HTR1F: variants seen among roughly 807,000 people sequenced by gnomAD.
HTR1F encodes the protein 5-hydroxytryptamine (serotonin) receptor 1F, G protein-coupled.
Under a neutral mutation model 24.0 loss-of-function variants are expected in HTR1F, and 17 were observed. The observed-to-expected ratio is 0.71, with a 90% CI of 0.48 to 1.06. The LOEUF is 1.06. HTR1F is among the 50% of genes least tolerant of loss of function. HTR1F has a pLI of 0.00. For synonymous variants in HTR1F, 186 were observed against 156.8 expected (o/e 1.19, Z -1.39); for missense variants, 391 against 427.8 (o/e 0.91, Z 0.76).
intron 2 of HTR1F, among the ~76,000 whole-genome samples, chr3:87,963,084 T>G (rs1194089352): frequency 6.6e-6 from 1 of 152,088 alleles, no homozygotes; most frequent in East Asian, 1.9e-4. Flanking sequence ...TTTACAAAAT[T>G]TGTTAATACA....
intron 2 of HTR1F, among the ~76,000 whole-genome samples, chr3:87,866,999 T>C (rs1178328425): frequency 6.6e-6 from 1 of 151,930 alleles, no homozygotes; most frequent in African/African-American, 2.4e-5. Context: ...ATTAAGTTTA[T>C]AAACAAAATA....
At chr3:87,818,485 A>G (rs1487559616) in intron 1 of HTR1F, among the ~76,000 whole-genome samples, 1 of 152,164 alleles carries the variant, frequency 6.6e-6, no homozygotes, top group Non-Finnish European at 1.5e-5. Flanking sequence ...AAATCTGGGG[A>G]GCAGTAGAAA....
chr3:87,935,333 T>C (rs1277205393), intron 2 of HTR1F, among the ~76,000 whole-genome samples: 1 of 152,344 alleles, frequency 6.6e-6, no homozygotes. Context: ...CTATTGTTGG[T>C]GACTCTGCAT....
At chr3:87,928,360 A>G (rs562258643) in intron 2 of HTR1F, among the ~76,000 whole-genome samples, 1 of 152,158 alleles carries the variant, frequency 6.6e-6, no homozygotes, top group Admixed American at 6.6e-5. Flanking sequence ...TTTACTTTCA[A>G]CTGAAAAATA....
At chr3:87,933,801 T>C (rs1038672888) in intron 2 of HTR1F, among the ~76,000 whole-genome samples, 7 of 152,246 alleles carry the variant, frequency 4.6e-5, no homozygotes, top group African/African-American at 1.7e-4. Context: ...ATACATTCAA[T>C]GCCATAGTCT....
chr3:87,957,141 C>G (rs932845942), intron 2 of HTR1F, among the ~76,000 whole-genome samples: 1 of 151,250 alleles, frequency 6.6e-6, no homozygotes, highest in African/African-American at 2.4e-5. Flanking sequence ...TCCTACTTTT[C>G]TAAGAGTTTT....
At chr3:87,973,005 CA>C (rs34843722) in intron 2 of HTR1F, among the ~76,000 whole-genome samples, 211 of 141,114 alleles carry the variant, frequency 1.5e-3, no homozygotes, top group Middle Eastern at 0.011. Flanking sequence ...TACTAAAATA[CA>C]AAAAAAAAAA....
At chr3:87,797,703 G>A (rs1703927768) in intron 1 of HTR1F, among the ~76,000 whole-genome samples, 2 of 152,070 alleles carry the variant, frequency 1.3e-5, no homozygotes, top group African/African-American at 4.8e-5. Context: ...TAAAGAATGG[G>A]TGATGAGGAA....
chr3:87,835,431 G>C (rs1314158762), intron 2 of HTR1F, among the ~76,000 whole-genome samples: 1 of 152,178 alleles, frequency 6.6e-6, no homozygotes, highest in African/African-American at 2.4e-5. Context: ...GGTCAAAATG[G>C]TTATACTTCG....
intron 2 of HTR1F, among the ~76,000 whole-genome samples, chr3:87,843,535 T>C (rs759461764): frequency 1.3e-5 from 2 of 151,088 alleles, no homozygotes; most frequent in Non-Finnish European, 2.9e-5. Context: ...AATTTATTTA[T>C]TTTATTATTA....
chr3:87,909,620 T>C (rs1332049621), intron 2 of HTR1F, among the ~76,000 whole-genome samples: 1 of 152,006 alleles, frequency 6.6e-6, no homozygotes, highest in African/African-American at 2.4e-5. Context: ...TTCAGCTGCA[T>C]AAAACAGAAA....
intron 2 of HTR1F, among the ~76,000 whole-genome samples, chr3:87,844,261 C>T (rs1332371811): frequency 6.6e-6 from 1 of 151,522 alleles, no homozygotes; most frequent in Non-Finnish European, 1.5e-5. Context: ...TTTTGATTTG[C>T]GTTTCTCTGA....
At chr3:87,915,360 G>C (rs1703870074) in intron 2 of HTR1F, among the ~76,000 whole-genome samples, 1 of 152,024 alleles carries the variant, frequency 6.6e-6, no homozygotes, top group South Asian at 2.1e-4. Context: ...AGAAACCCCT[G>C]AATTACCTGA....
chr3:87,963,404 T>A (rs778034751), intron 2 of HTR1F, among the ~76,000 whole-genome samples: 7 of 152,148 alleles, frequency 4.6e-5, no homozygotes, highest in African/African-American at 1.7e-4. Context: ...TGCTGAGTTA[T>A]CCTGATGTGC....
chr3:87,927,205 A>C (rs1335517339), intron 2 of HTR1F, among the ~76,000 whole-genome samples: 2 of 152,170 alleles, frequency 1.3e-5, no homozygotes, highest in Non-Finnish European at 1.5e-5. Flanking sequence ...ATGTAGTTAC[A>C]ATAAGTGCCT....
At chr3:87,922,328 A>C (rs1161336276) in intron 2 of HTR1F, among the ~76,000 whole-genome samples, 1 of 151,648 alleles carries the variant, frequency 6.6e-6, no homozygotes. Flanking sequence ...GTATTTTTTC[A>C]GAAATTTTAT....
rs1279671378 is a variant in HTR1F at position 87,794,786 on chromosome 3, C to T, written c.-160+1944C>T. Among the ~76,000 whole-genome samples, 4 of 152,086 alleles carry T rather than the reference C, an allele frequency of 2.6e-5. No homozygotes were observed. In the East Asian group the frequency reaches 7.7e-4, roughly 29 times the overall value. ...TATATAAATGGGTGGGATTGAGCAA[C>T]AGCACATTTGTAAAGTCAACTTGTT... On this transcript the variant is annotated intron_variant, in intron 1 of 2. Transcript: ENST00000319595.
At chr3:87,897,831 C>T (rs1308370937) in intron 2 of HTR1F, among the ~76,000 whole-genome samples, 1 of 152,116 alleles carries the variant, frequency 6.6e-6, no homozygotes, top group African/African-American at 2.4e-5. Context: ...TTCCCAGTAC[C>T]TCCTGTAGGA....
intron 2 of HTR1F, among the ~76,000 whole-genome samples, chr3:87,925,280 G>GGGGCACATACAACATAC (rs1704098053): frequency 6.6e-6 from 1 of 152,134 alleles, no homozygotes; most frequent in African/African-American, 2.4e-5. Flanking sequence ...ACAGTCCTTG[G>GGGGCACATACAACATAC]ACTCTAGGGG....
Sources: allele counts gnomAD v4.1 joint callset (sites outside exome capture counted in the v4.1 genomes callset), GRCh38; gene constraint gnomAD v4.1.1; transcripts MANE v1.5; gene names NCBI Gene and HGNC (gene_info 2026-07-23, HGNC 2026-07-21).